The following SLC16A9 variants were observed in gnomAD, a reference collection of about 807,000 sequenced individuals.
SLC16A9 encodes the protein monocarboxylate transporter 9.
SLC16A9 carries 26 observed loss-of-function variants against 44.3 expected under a neutral mutation model. That is an observed-to-expected ratio of 0.59 (90% CI 0.43 to 0.81). SLC16A9 has a LOEUF of 0.81. SLC16A9 is among the 40% of genes least tolerant of loss of function. SLC16A9 has a pLI of 0.00. For synonymous variants in SLC16A9, 230 were observed against 225.1 expected, an observed-to-expected ratio of 1.02 and a Z score of -0.19; for missense variants, 559 against 595.8, an observed-to-expected ratio of 0.94 and a Z score of 0.64.
At chr10:59,675,724 C>G (rs1327441824) in intron 2 of SLC16A9, among the ~76,000 whole-genome samples, 5 of 152,328 alleles carry the variant, frequency 3.3e-5, no homozygotes, top group African/African-American at 1.2e-4. Context: ...ACACACTATG[C>G]ACGTGGTCAC....
chr10:59,688,409 T>C (rs11817293), intron 1 of SLC16A9, among the ~76,000 whole-genome samples: 44,137 of 151,906 alleles, frequency 0.29, 7,561 homozygotes, highest in Middle Eastern at 0.41. Context: ...CTTTCAACAT[T>C]TAATGATCAA....
intron 1 of SLC16A9, among the ~76,000 whole-genome samples, chr10:59,701,450 C>A (rs374587750): frequency 6.6e-6 from 1 of 152,164 alleles, no homozygotes; most frequent in Non-Finnish European, 1.5e-5. Flanking sequence ...CCACAGTTTA[C>A]CCATTAGCAG....
intron 1 of SLC16A9, among the ~76,000 whole-genome samples, chr10:59,701,387 G>A (rs1278526172): frequency 6.6e-6 from 1 of 152,108 alleles, no homozygotes; most frequent in East Asian, 1.9e-4. Context: ...TGGCTCTCTG[G>A]TCATCTCAAT....
intron 1 of SLC16A9, among the ~76,000 whole-genome samples, chr10:59,686,509 A>G (rs1018998906): frequency 1.3e-5 from 2 of 152,196 alleles, no homozygotes; most frequent in East Asian, 3.8e-4. Context: ...AATGTTCCTC[A>G]ATATTTCATT....
At chr10:59,694,880 G>A (rs1229016631) in intron 1 of SLC16A9, among the ~76,000 whole-genome samples, 1 of 144,666 alleles carries the variant, frequency 6.9e-6, no homozygotes, top group Non-Finnish European at 1.5e-5. Context: ...GATAAAAACT[G>A]ATAAACATAT....
chr10:59,698,457 G>A (rs186489424), intron 1 of SLC16A9, among the ~76,000 whole-genome samples: 40 of 152,276 alleles, frequency 2.6e-4, no homozygotes, highest in Non-Finnish European at 5.0e-4. Context: ...GCTAGAGAAT[G>A]AGCACAGTTT....
At chr10:59,664,451 TC>T in intron 3 of SLC16A9, 129 bp from the exon 4 acceptor site, 1 of 507,408 alleles carries the variant, frequency 2.0e-6, no homozygotes, top group Non-Finnish European at 3.5e-6. Context: ...AAGTACAGAC[TC>T]CTAGATTCCT....
chr10:59,704,272 A>G (rs550775886), intron 1 of SLC16A9, among the ~76,000 whole-genome samples: 223 of 152,090 alleles, frequency 1.5e-3, no homozygotes, highest in Non-Finnish European at 2.3e-3. Flanking sequence ...CCATACCTCC[A>G]CACACCTACT....
At chr10:59,664,155 T>C in intron 4 of SLC16A9, 72 bp downstream of exon 4, 1 of 1,023,936 alleles carries the variant, frequency 9.8e-7, no homozygotes, top group Admixed American at 2.3e-5. Flanking sequence ...TAAACATGTC[T>C]GTGCTTGGTA....
intron 1 of SLC16A9, among the ~76,000 whole-genome samples, chr10:59,703,788 G>A (rs1476261037): frequency 2.0e-5 from 3 of 150,762 alleles, no homozygotes; most frequent in Non-Finnish European, 2.9e-5. Context: ...GCGAGATCTC[G>A]GCTCACTGCA....
rs1839293966 is a variant in SLC16A9, at chr10:59,654,268, A to G, written c.758T>C (p.Leu253Pro). ...GTGTGTCACTGTGGGGTTTTTATGA[A>G]GTAGGCTGTCTTGTTTCCAGTCACC... ...ANGDWKQDSL[L>P]HKNPTVTHTK... Residue 253 changes from leucine to proline, a missense_variant, in exon 5 of 6, where the codon CTT becomes CCT. Leu to Pro is a moderately conservative substitution (Grantham distance 98). Transcript: ENST00000395348. The G allele has an allele frequency of 1.9e-6, 3 of 1,614,072 alleles. No individual in the cohort carries two copies. The highest frequency in any genetic ancestry group is 2.2e-5 in the East Asian group (1 of 44,902).
chr10:59,651,741 A>G lies in SLC16A9; in HGVS notation c.*1031T>C, dbSNP rs937474374. 6.8e-6 allele frequency: 1 copy of G among 147,970 alleles called. No homozygotes were observed. Among genetic ancestry groups the G allele is most frequent in the Non-Finnish European group, 1.5e-5 (1 of 67,270 alleles). 9.2% of individuals were successfully genotyped at this position (147,970 alleles called of 1,614,324 possible). ...TTGCCCTTTTCCATTCCCATATCCC[A>G]TGCAGACTTAGAGCATGCATAGCAC... On this transcript the variant is annotated 3_prime_UTR_variant, in exon 6 of 6. Coordinates refer to ENST00000395348, the MANE Select transcript of SLC16A9 (RefSeq NM_194298.3).
In SLC16A9 at chr10:59,652,212, A is replaced by G. The variant is rs1233672931; in HGVS notation, c.*560T>C. The G allele has an allele frequency of 6.6e-6, 1 of 152,254 alleles. No homozygotes were observed. The allele number at this position is 152,254 out of a possible 1,614,324, so 9.4% of individuals were successfully genotyped here. On this transcript the variant is annotated 3_prime_UTR_variant, in exon 6 of 6. Coordinates refer to ENST00000395348, the MANE Select transcript of SLC16A9 (RefSeq NM_194298.3). ...AAAACTGGTGACTGTAGGTTAAAAT[A>G]TATTTTTTTAAAAAATGACCAATTT...
intron 1 of SLC16A9, among the ~76,000 whole-genome samples, chr10:59,691,613 A>G (rs183056870): frequency 6.6e-6 from 1 of 152,326 alleles, no homozygotes. Flanking sequence ...TATATCTCCT[A>G]AAGCCAGAAC....
intron 4 of SLC16A9, among the ~76,000 whole-genome samples, chr10:59,655,087 C>T (rs979511949): frequency 2.6e-4 from 39 of 152,136 alleles, no homozygotes; most frequent in African/African-American, 8.2e-4. Context: ...GTCAGGAGTT[C>T]GAGACCATCC....
intron 1 of SLC16A9, among the ~76,000 whole-genome samples, chr10:59,703,425 A>G (rs76701115): frequency 6.6e-6 from 1 of 152,336 alleles, no homozygotes; most frequent in African/African-American, 2.4e-5. Flanking sequence ...GCTATGAAAA[A>G]AGGATATTTT....
intron 2 of SLC16A9, among the ~76,000 whole-genome samples, chr10:59,679,754 A>G (rs762528705): frequency 5.9e-5 from 9 of 152,098 alleles, no homozygotes; most frequent in African/African-American, 9.7e-5. Context: ...TCCCAACACA[A>G]TCCCTCCTTT....
chr10:59,698,153 G>A (rs1027560007), intron 1 of SLC16A9, among the ~76,000 whole-genome samples: 2 of 152,122 alleles, frequency 1.3e-5, no homozygotes, highest in Non-Finnish European at 2.9e-5. Context: ...CTGGTTACTG[G>A]ATTATTTAGA....
intron 1 of SLC16A9, among the ~76,000 whole-genome samples, chr10:59,698,381 G>A (rs1840448049): frequency 6.6e-6 from 1 of 152,168 alleles, no homozygotes. Flanking sequence ...CCCCACTGGT[G>A]GTGGCAATGC....
Sources: gnomAD v4.1 joint callset for allele counts (sites outside exome capture counted in the v4.1 genomes callset) on GRCh38, gnomAD v4.1.1 for gene constraint, MANE v1.5 for transcripts, NCBI Gene and HGNC (gene_info 2026-07-23, HGNC 2026-07-21) for gene names.